GRM4: variants seen among roughly 807,000 people sequenced by gnomAD.
GRM4 encodes glutamate metabotropic receptor 4.
GRM4 carries 28 observed loss-of-function variants against 81.7 expected under a neutral mutation model. The ratio of observed to expected loss-of-function variants is 0.34; its 90% confidence interval spans 0.25 to 0.47. The LOEUF (loss-of-function observed/expected upper bound fraction) is 0.47. Ranked by LOEUF, GRM4 falls within the 20% of genes least tolerant of loss-of-function variation. The pLI is 1.00. For missense variants in GRM4, 948 were observed against 1,290.0 expected (o/e 0.73, Z 4.06); for synonymous variants, 488 against 528.8 (o/e 0.92, Z 1.06).
At chr6:34,155,056 G>T in intron 1 of GRM4, 2 of 1,480,568 alleles carry the variant, frequency 1.4e-6, no homozygotes, top group Non-Finnish European at 1.8e-6. Context: ...GGACACGCCC[G>T]GATTGAGAGG....
At chr6:34,038,313 T>G (rs1392096634) in intron 8 of GRM4, among the ~76,000 whole-genome samples, 2 of 152,250 alleles carry the variant, frequency 1.3e-5, no homozygotes, top group African/African-American at 2.4e-5. Context: ...CCTTTGTTAC[T>G]TGGAGTGACC....
chr6:34,041,945 C>T (rs1765038166), intron 6 of GRM4, among the ~76,000 whole-genome samples: 1 of 152,196 alleles, frequency 6.6e-6, no homozygotes, highest in South Asian at 2.1e-4. Flanking sequence ...GGTGTAATCA[C>T]CTCCATTGTA....
rs1769516428 is a variant in GRM4 at position 34,114,677 on chromosome 6, C to A, written c.519+18301G>T. On this transcript the variant is annotated intron_variant, in intron 2 of 10. Transcript: ENST00000538487. The surrounding 1 kb of genome is among the most constrained non-coding windows in gnomAD (Gnocchi z 4.3). Reference sequence around the variant, plus strand: ...CCTCTACCCTGAGGACACTGCCCGGCTCCACCTCTGACAAAGGCTGCCCCA... The same window carrying A: ...CCTCTACCCTGAGGACACTGCCCGGATCCACCTCTGACAAAGGCTGCCCCA... Among the ~76,000 whole-genome samples the A allele has an allele frequency of 2.0e-5, 3 of 152,146 alleles. No individual in the cohort carries two copies. Among genetic ancestry groups the A allele is most frequent in the South Asian group, 4.1e-4 (2 of 4,834 alleles).
At chr6:34,144,701 G>GC (rs1199115339) in intron 1 of GRM4, among the ~76,000 whole-genome samples, 1 of 151,712 alleles carries the variant, frequency 6.6e-6, no homozygotes, top group Non-Finnish European at 1.5e-5. Context: ...AATGCCCCGC[G>GC]CCCCCGCCTG....
intron 2 of GRM4, among the ~76,000 whole-genome samples, chr6:34,100,416 G>T (rs1056606063): frequency 6.6e-6 from 1 of 152,328 alleles, no homozygotes; most frequent in Non-Finnish European, 1.5e-5. Context: ...CTAGGCTGCA[G>T]GCACTACTAT....
rs548494159 is a variant in GRM4 at position 34,078,778 on chromosome 6, C to T, written c.736+13105G>A. Among the ~76,000 whole-genome samples, 3 of 152,296 alleles carry T rather than the reference C, an allele frequency of 2.0e-5. No homozygotes were observed. The highest frequency in any genetic ancestry group is 2.0e-4 in the Admixed American group (3 of 15,304). The stretch of plus-strand genomic sequence containing the variant: ...CTCCTCCCCATATCCCAAGGCCTCC[C>T]TGGGGCCCCAAGCCGTCTGCAAGAG... On this transcript the variant is annotated intron_variant, in intron 3 of 10. Transcript: ENST00000538487. The surrounding 1 kb of genome is among the most constrained non-coding windows in gnomAD (Gnocchi z 4.8).
At position 34,040,694 on chromosome 6, in the gene GRM4, A is replaced by G. The variant is rs769198527; in HGVS notation, c.1223T>C (p.Phe408Ser). The change falls in exon 7 of 11, where the codon TTT becomes TCT. Residue 408 changes from phenylalanine to serine, a missense_variant. Coordinates refer to ENST00000538487, the MANE Select transcript of GRM4 (RefSeq NM_000841.4). ...SAYEQEGKVQ[F>S]VIDAVYAMGH... ...CATGGCGTACACGGCATCGATCACA[A>G]ACTGCACCTTCCCCTCCTGCTCATA... 5.6e-6 allele frequency: 9 copies of G among 1,613,958 alleles called. No homozygotes were observed.
At chr6:34,057,260 C>T (rs1765944176) in intron 5 of GRM4, among the ~76,000 whole-genome samples, 1 of 137,346 alleles carries the variant, frequency 7.3e-6, no homozygotes, top group African/African-American at 2.9e-5. Flanking sequence ...TGGCGGTGAA[C>T]AACACCCCCT....
intron 2 of GRM4, among the ~76,000 whole-genome samples, chr6:34,106,224 T>C (rs1411066410): frequency 6.6e-6 from 1 of 151,888 alleles, no homozygotes; most frequent in African/African-American, 2.4e-5. Context: ...AGACTAACCT[T>C]GCCAACATGG....
intron 6 of GRM4, among the ~76,000 whole-genome samples, chr6:34,043,835 G>A (rs1182851436): frequency 6.6e-6 from 1 of 152,162 alleles, no homozygotes; most frequent in Non-Finnish European, 1.5e-5. Context: ...CTGGGGGAAG[G>A]GCTCCAGAGT....
intron 6 of GRM4, among the ~76,000 whole-genome samples, chr6:34,041,773 G>A (rs551188228): frequency 4.6e-5 from 7 of 152,342 alleles, no homozygotes; most frequent in South Asian, 2.1e-4. Flanking sequence ...GGAGGGGAAG[G>A]TGGTTCTTGG....
chr6:34,139,758 C>T (rs936078488), intron 1 of GRM4, among the ~76,000 whole-genome samples: 5 of 152,252 alleles, frequency 3.3e-5, no homozygotes, highest in East Asian at 1.9e-4. Flanking sequence ...TGCAGCAGTG[C>T]GCCCGGTCCA....
Position 34,089,071 on chromosome 6 carries a change from A to G in GRM4, c.736+2812T>C, listed in dbSNP as rs1211075970. Among the ~76,000 whole-genome samples, 1 of 151,960 alleles carries G rather than the reference A, an allele frequency of 6.6e-6. No individual in the cohort carries two copies. The highest frequency in any genetic ancestry group is 2.4e-5 in the African/African-American group (1 of 41,364). ...CCCTCTGGCCTCCATTTCCCCATCT[A>G]TAAAATGGGCATAGTCATGCTCCTC... On this transcript the variant is annotated intron_variant, in intron 3 of 10. Coordinates refer to ENST00000538487, the MANE Select transcript of GRM4 (RefSeq NM_000841.4). This position sits in a 1 kb window ranked among gnomAD's most constrained non-coding sequence, Gnocchi z 4.3.
exon 1 of GRM4, chr6:34,155,307 G>A (rs1246138260): frequency 6.5e-7 from 1 of 1,530,718 alleles, no homozygotes; most frequent in Non-Finnish European, 8.7e-7. Flanking sequence ...TACAGGGGTG[G>A]GGTGCGATGC....
chr6:34,026,045 C>T (rs142425443), intron 10 of GRM4, among the ~76,000 whole-genome samples: 2 of 152,154 alleles, frequency 1.3e-5, no homozygotes, highest in Non-Finnish European at 2.9e-5. Flanking sequence ...TTTCAGTTGC[C>T]GGAGGCGCAG....
At chr6:34,129,998 G>A (rs1770173480) in intron 2 of GRM4, among the ~76,000 whole-genome samples, 1 of 152,094 alleles carries the variant, frequency 6.6e-6, no homozygotes, top group Non-Finnish European at 1.5e-5. Context: ...CCATCATTAG[G>A]GGAGCAGGGC....
Position 34,133,747 on chromosome 6 carries a change from C to A in GRM4, c.-251G>T. On this transcript the variant is annotated 5_prime_UTR_variant, in exon 2 of 11. Coordinates refer to ENST00000538487, the MANE Select transcript of GRM4 (RefSeq NM_000841.4). The surrounding 1 kb of genome is among the most constrained non-coding windows in gnomAD (Gnocchi z 6.5). ...GTTGCAGGAAGGCTCTGATCCTTGT[C>A]CCGTCCTGCAGGCCTGTTCTCGGTG... The A allele has an allele frequency of 7.9e-7, 1 of 1,263,236 alleles. No individual in the cohort carries two copies. Among genetic ancestry groups the A allele is most frequent in the Non-Finnish European group, 9.9e-7 (1 of 1,006,924 alleles). 78.3% of individuals were successfully genotyped at this position (1,263,236 alleles called of 1,614,324 possible).
Position 34,070,010 on chromosome 6 carries a change from T to C in GRM4, c.737-7982A>G, listed in dbSNP as rs1263362618. Among the ~76,000 whole-genome samples the C allele has an allele frequency of 6.6e-6, 1 of 152,190 alleles. No homozygotes were observed. Among genetic ancestry groups the C allele is most frequent in the Non-Finnish European group, 1.5e-5 (1 of 68,032 alleles). The stretch of plus-strand genomic sequence containing the variant: ...CAGGACGGCGGTAATCCACACTTGC[T>C]GGACGAATGGAGAACTGAGTTCCTG... On this transcript the variant is annotated intron_variant, in intron 3 of 10. Transcript: ENST00000538487. This position sits in a 1 kb window ranked among gnomAD's most constrained non-coding sequence, Gnocchi z 4.6.
chr6:34,110,668 A>C, intron 2 of GRM4: 1 of 1,464,346 alleles, frequency 6.8e-7, no homozygotes, highest in Non-Finnish European at 9.2e-7. Flanking sequence ...ACCTTACATG[A>C]CATGTCTCTC....
Sources: gnomAD v4.1 joint callset for allele counts (sites outside exome capture counted in the v4.1 genomes callset) on GRCh38, gnomAD v4.1.1 for gene constraint, Gnocchi (gnomAD v3.1) non-coding constraint, MANE v1.5 for transcripts, NCBI Gene and HGNC (gene_info 2026-07-23, HGNC 2026-07-21) for gene names.